CNTNAP2: variants seen among roughly 807,000 people sequenced by gnomAD.
CNTNAP2 encodes contactin-associated protein-like 2.
A neutral mutation model predicts 155.2 loss-of-function variants in CNTNAP2; 98 were observed. The ratio of observed to expected loss-of-function variants is 0.63; its 90% CI spans 0.54 to 0.75. The LOEUF is 0.75. CNTNAP2 is among the 30% of genes least tolerant of loss of function. The probability of loss-of-function intolerance (pLI) is 0.00; values close to 1 mark genes in which losing one functional copy is unlikely to be tolerated. For missense variants in CNTNAP2, 1,727 were observed against 1,688.1 expected, an observed-to-expected ratio of 1.02 and a Z score of -0.40; for synonymous variants, 651 against 631.2, an observed-to-expected ratio of 1.03 and a Z score of -0.47.
chr7:148,225,960 T>G (rs1795840436), intron 19 of CNTNAP2, among the ~76,000 whole-genome samples: 1 of 152,206 alleles, frequency 6.6e-6, no homozygotes, highest in South Asian at 2.1e-4. Context: ...ATGTTATGTT[T>G]GGGGTTGCCA....
intron 13 of CNTNAP2, among the ~76,000 whole-genome samples, chr7:147,742,646 T>C (rs1218689062): frequency 6.6e-6 from 1 of 152,218 alleles, no homozygotes; most frequent in Non-Finnish European, 1.5e-5. Context: ...TTCGCTCATG[T>C]AGAGTAGGAT....
intron 15 of CNTNAP2, among the ~76,000 whole-genome samples, chr7:148,085,870 GC>G (rs1037805467): frequency 3.3e-4 from 50 of 152,180 alleles, no homozygotes; most frequent in African/African-American, 1.2e-3. Flanking sequence ...GAGCCACCAA[GC>G]CTGGCCTTAT....
chr7:146,316,413 C>T (rs969314661), intron 1 of CNTNAP2, among the ~76,000 whole-genome samples: 1 of 151,912 alleles, frequency 6.6e-6, no homozygotes, highest in African/African-American at 2.4e-5. Context: ...AGTCTTGAAC[C>T]GACAGACATT....
At chr7:147,311,130 T>C (rs1175146505) in intron 9 of CNTNAP2, among the ~76,000 whole-genome samples, 3 of 152,132 alleles carry the variant, frequency 2.0e-5, no homozygotes, top group South Asian at 4.1e-4. Context: ...AGGGTTCTTT[T>C]GCTAAAACTG....
chr7:147,050,786 G>A (rs1045998958), intron 4 of CNTNAP2, among the ~76,000 whole-genome samples: 2 of 152,112 alleles, frequency 1.3e-5, no homozygotes, highest in African/African-American at 4.8e-5. Flanking sequence ...ATTCTATCAT[G>A]GATCTAGAGG....
chr7:147,076,566 T>C (rs542386164), intron 4 of CNTNAP2, among the ~76,000 whole-genome samples: 2 of 152,324 alleles, frequency 1.3e-5, no homozygotes, highest in African/African-American at 4.8e-5. Flanking sequence ...TTTAAGTGAA[T>C]AAATTTCTAA....
At chr7:146,339,833 CA>C (rs1431161482) in intron 1 of CNTNAP2, among the ~76,000 whole-genome samples, 2 of 151,940 alleles carry the variant, frequency 1.3e-5, no homozygotes, top group Non-Finnish European at 2.9e-5. Context: ...TAAAAAAAAC[CA>C]CAAAACACCC....
At chr7:146,461,237 C>T (rs536301710) in intron 1 of CNTNAP2, among the ~76,000 whole-genome samples, 169 of 151,374 alleles carry the variant, frequency 1.1e-3, no homozygotes, top group South Asian at 1.7e-3. Context: ...CCCGTCTCTA[C>T]TAAAAATACA....
Position 148,147,626 on chromosome 7 carries a change from A to T in CNTNAP2, c.2690A>T (p.Gln897Leu). 6.2e-7 allele frequency: 1 copy of T among 1,614,172 alleles called. No homozygotes were observed. The highest frequency in any genetic ancestry group is 8.5e-7 in the Non-Finnish European group (1 of 1,180,026). The change falls in exon 17 of 24, where the codon CAG becomes CTG. Residue 897 changes from glutamine (Q) to leucine (L), a missense_variant. Physicochemically the swap from Gln to Leu is moderately radical, Grantham distance 113. Transcript: ENST00000361727. The stretch of plus-strand genomic sequence containing the variant: ...AGGAATGTCAAGCAGGCCAGCCTAC[A>T]GGTGGACCGGCTACCGCAGCAGATC... ...AERNVKQASL[Q>L]VDRLPQQIRK...
intron 8 of CNTNAP2, among the ~76,000 whole-genome samples, chr7:147,160,530 T>C (rs1802005484): frequency 6.6e-6 from 1 of 152,134 alleles, no homozygotes; most frequent in Non-Finnish European, 1.5e-5. Flanking sequence ...ATTAAGCATA[T>C]GTTTATTAAA....
At chr7:147,559,908 C>T (rs62481314) in intron 11 of CNTNAP2, among the ~76,000 whole-genome samples, 29,580 of 150,738 alleles carry the variant, frequency 0.2, 3,079 homozygotes, top group Admixed American at 0.26. Context: ...CAGTGGCTCA[C>T]GCCTATAATC....
At chr7:146,879,912 A>G (rs1795506519) in intron 3 of CNTNAP2, among the ~76,000 whole-genome samples, 1 of 152,094 alleles carries the variant, frequency 6.6e-6, no homozygotes, top group South Asian at 2.1e-4. Context: ...TCATGGCTGA[A>G]GGCAAAAGGC....
At chr7:147,477,598 G>T (rs1449595582) in intron 10 of CNTNAP2, among the ~76,000 whole-genome samples, 1 of 152,090 alleles carries the variant, frequency 6.6e-6, no homozygotes, top group Non-Finnish European at 1.5e-5. Context: ...AAGACTTTCA[G>T]TGCTTTCCAT....
intron 11 of CNTNAP2, among the ~76,000 whole-genome samples, chr7:147,504,871 T>C (rs1424261522): frequency 6.6e-6 from 1 of 151,748 alleles, no homozygotes; most frequent in African/African-American, 2.4e-5. Flanking sequence ...CCAGGCATTT[T>C]GGGTTAGGGA....
At chr7:146,715,677 G>C (rs955384337) in intron 1 of CNTNAP2, among the ~76,000 whole-genome samples, 1 of 152,130 alleles carries the variant, frequency 6.6e-6, no homozygotes, top group African/African-American at 2.4e-5. Flanking sequence ...CACTAATATA[G>C]TTTTATCTAG....
intron 1 of CNTNAP2, among the ~76,000 whole-genome samples, chr7:146,176,695 C>A (rs984161883): frequency 6.6e-6 from 1 of 152,082 alleles, no homozygotes; most frequent in Non-Finnish European, 1.5e-5. Context: ...AGAAATGATA[C>A]GGCTAAGTTC....
intron 13 of CNTNAP2, among the ~76,000 whole-genome samples, chr7:147,839,122 C>T (rs748123782): frequency 5.3e-5 from 8 of 152,244 alleles, no homozygotes; most frequent in Middle Eastern, 3.4e-3. Flanking sequence ...GAAGACTAAG[C>T]CAGTCTAGTC....
intron 8 of CNTNAP2, among the ~76,000 whole-genome samples, chr7:147,168,050 A>T (rs1802151836): frequency 6.7e-6 from 1 of 148,826 alleles, no homozygotes; most frequent in East Asian, 1.9e-4. Flanking sequence ...GTATATATAA[A>T]ATGTATATAA....
chr7:147,830,384 C>A (rs1478302021), intron 13 of CNTNAP2, among the ~76,000 whole-genome samples: 3 of 151,954 alleles, frequency 2.0e-5, no homozygotes, highest in Admixed American at 2.0e-4. Context: ...GTCACTAATA[C>A]CATATGTAAA....
Sources: allele counts gnomAD v4.1 joint callset (sites outside exome capture counted in the v4.1 genomes callset), GRCh38; gene constraint gnomAD v4.1.1; transcripts MANE v1.5; gene names NCBI Gene and HGNC (gene_info 2026-07-23, HGNC 2026-07-21).